The following MYO16 variants were observed in gnomAD, a reference collection of about 807,000 sequenced individuals.
MYO16 encodes the protein myosin XVI.
Under a neutral mutation model 205.3 loss-of-function variants are expected in MYO16, and 94 were observed. The ratio of observed to expected loss-of-function variants is 0.46; its 90% confidence interval spans 0.39 to 0.54. The LOEUF (loss-of-function observed/expected upper bound fraction) is 0.54. MYO16 is among the 20% of genes least tolerant of loss of function. The probability of loss-of-function intolerance (pLI) is 0.00; values close to 1 mark genes in which losing one functional copy is unlikely to be tolerated. For synonymous variants in MYO16, 988 were observed against 954.0 expected, an observed-to-expected ratio of 1.04 and a Z score of -0.66; for missense variants, 2,315 against 2,387.5, an observed-to-expected ratio of 0.97 and a Z score of 0.63.
chr13:109,003,370 A>G (rs1318548967), intron 21 of MYO16, among the ~76,000 whole-genome samples: 1 of 152,232 alleles, frequency 6.6e-6, no homozygotes. Flanking sequence ...GTTCAGGTGT[A>G]TTGCAAAGAT....
At chr13:108,737,745 A>G (rs1298801729) in intron 4 of MYO16, among the ~76,000 whole-genome samples, 1 of 152,196 alleles carries the variant, frequency 6.6e-6, no homozygotes, top group African/African-American at 2.4e-5. Context: ...GGTAGAATTC[A>G]GCTGTGAATC....
chr13:108,833,892 T>A (rs1876755124), intron 9 of MYO16, among the ~76,000 whole-genome samples: 1 of 152,176 alleles, frequency 6.6e-6, no homozygotes, highest in Admixed American at 6.5e-5. Context: ...TTTTCTTTTT[T>A]AAAATGTTTA....
chr13:108,535,266 G>T, the MYO16 span, among the ~76,000 whole-genome samples: 19 of 152,108 alleles, frequency 1.2e-4, no homozygotes, highest in African/African-American at 4.3e-4. Context: ...TACAGGCTTG[G>T]ATAATGTGAC....
Position 109,120,475 on chromosome 13 carries a change from T to G in MYO16, c.3535+9T>G. On this transcript the variant is annotated intron_variant, in intron 29 of 34. Transcript: ENST00000457511. ...TATAACCTGCCAAAAAGGTAACATT[T>G]ATATGCCAACATTTCTGAATTTATT... is the stretch of plus-strand genomic sequence containing the variant. 1 of 1,583,880 alleles carries G rather than the reference T, an allele frequency of 6.3e-7. No homozygotes were observed. Among genetic ancestry groups the G allele is most frequent in the Non-Finnish European group, 8.6e-7 (1 of 1,159,772 alleles).
chr13:108,679,054 C>T (rs1192172391), intron 2 of MYO16, among the ~76,000 whole-genome samples: 2 of 152,114 alleles, frequency 1.3e-5, no homozygotes, highest in African/African-American at 4.8e-5. Context: ...CCACAGAAAA[C>T]CCCAGGTAAT....
chr13:108,995,687 G>T (rs1245376691), intron 21 of MYO16, among the ~76,000 whole-genome samples: 1 of 152,080 alleles, frequency 6.6e-6, no homozygotes, highest in Non-Finnish European at 1.5e-5. Context: ...AGAACATGCG[G>T]TGTTTCGTTT....
At position 108,994,338 on chromosome 13, in the gene MYO16, T is replaced by C. The variant is rs7330912; in HGVS notation, c.2442+1890T>C. ...AAATACACACACACACACACACATATATATATATAATTTTTAACAGGTTTG... is the reference window on the plus strand; with the variant it reads ...AAATACACACACACACACACACATACATATATATAATTTTTAACAGGTTTG... On this transcript the variant is annotated intron_variant, in intron 21 of 34. Transcript: ENST00000457511. Among the ~76,000 whole-genome samples the C allele has an allele frequency of 3.7e-3, 524 of 143,308 alleles. 3 individuals are homozygous for C. Among genetic ancestry groups the C allele is most frequent in the African/African-American group, 0.011 (452 of 39,362 alleles). 94.0% of individuals were successfully genotyped at this position (143,308 alleles called of 152,430 possible).
In MYO16 at chr13:108,994,098, C is replaced by T. The variant is rs142452201; in HGVS notation, c.2442+1650C>T. ...TTACTGAAACATATTTATTTTACTA[C>T]AATTATATAAATCCCTTATTAGTCC... On this transcript the variant is annotated intron_variant, in intron 21 of 34. Coordinates refer to ENST00000457511, the MANE Select transcript of MYO16 (RefSeq NM_001198950.3). Among the ~76,000 whole-genome samples, 7 of 152,164 alleles carry T rather than the reference C, an allele frequency of 4.6e-5. No homozygotes were observed. In the East Asian group the frequency reaches 1.4e-3, roughly 29 times the overall value.
At chr13:108,553,283 G>A in the MYO16 span, among the ~76,000 whole-genome samples, 7 of 152,014 alleles carry the variant, frequency 4.6e-5, no homozygotes, top group Non-Finnish European at 8.8e-5. Flanking sequence ...GAGCCACCGC[G>A]CCTGGCGTTA....
chr13:109,106,801 T>C (rs1203044059), intron 28 of MYO16, among the ~76,000 whole-genome samples: 1 of 152,152 alleles, frequency 6.6e-6, no homozygotes, highest in East Asian at 1.9e-4. Flanking sequence ...TACTTTTCAC[T>C]GATAGTTCAA....
intron 16 of MYO16, among the ~76,000 whole-genome samples, chr13:108,913,196 C>G (rs1309463793): frequency 6.6e-6 from 1 of 152,136 alleles, no homozygotes; most frequent in African/African-American, 2.4e-5. Context: ...TCATAAGTAT[C>G]TAATGGGTGC....
chr13:109,049,382 A>G (rs1887161055), intron 24 of MYO16, among the ~76,000 whole-genome samples: 2 of 152,118 alleles, frequency 1.3e-5, no homozygotes, highest in Non-Finnish European at 2.9e-5. Context: ...CCATGTGCTC[A>G]GCTGTGGTCA....
chr13:108,800,847 C>T (rs1019612016), intron 6 of MYO16, among the ~76,000 whole-genome samples: 4 of 151,944 alleles, frequency 2.6e-5, no homozygotes, highest in South Asian at 2.1e-4. Context: ...ATTTTACATA[C>T]AGATTAGTAA....
intron 1 of MYO16, among the ~76,000 whole-genome samples, chr13:108,661,717 T>A (rs998285425): frequency 6.6e-6 from 1 of 152,216 alleles, no homozygotes; most frequent in Non-Finnish European, 1.5e-5. Context: ...TTCCTTGCAT[T>A]GGGCTTTCAC....
intron 4 of MYO16, among the ~76,000 whole-genome samples, chr13:108,736,418 T>G (rs1884701883): frequency 6.6e-6 from 1 of 152,234 alleles, no homozygotes; most frequent in Non-Finnish European, 1.5e-5. Context: ...CCCCATTTCT[T>G]GTTTTTGTCA....
intron 2 of MYO16, among the ~76,000 whole-genome samples, chr13:108,694,186 C>T (rs1459719875): frequency 6.6e-6 from 1 of 152,124 alleles, no homozygotes; most frequent in Non-Finnish European, 1.5e-5. Context: ...TTTTTCTCCC[C>T]AACCTCACTA....
At chr13:108,971,374 T>TATATAC (rs1156819636) in intron 20 of MYO16, among the ~76,000 whole-genome samples, 12 of 136,400 alleles carry the variant, frequency 8.8e-5, no homozygotes, top group African/African-American at 3.2e-4. Flanking sequence ...TATATATATA[T>TATATAC]ACACATATAA....
At chr13:109,111,805 G>A (rs932802926) in intron 28 of MYO16, among the ~76,000 whole-genome samples, 1 of 151,778 alleles carries the variant, frequency 6.6e-6, no homozygotes, top group African/African-American at 2.4e-5. Flanking sequence ...TCCTGCCTCA[G>A]CCTCCCAAGT....
At chr13:108,721,553 T>C (rs1566570921) in intron 3 of MYO16, among the ~76,000 whole-genome samples, 1 of 152,150 alleles carries the variant, frequency 6.6e-6, no homozygotes, top group Non-Finnish European at 1.5e-5. Flanking sequence ...GTTGATGGTG[T>C]TCTAAGTGGA....
Sources: gnomAD v4.1 joint callset for allele counts (sites outside exome capture counted in the v4.1 genomes callset) on GRCh38, gnomAD v4.1.1 for gene constraint, MANE v1.5 for transcripts, NCBI Gene and HGNC (gene_info 2026-07-23, HGNC 2026-07-21) for gene names.